ITGB8: variants seen among roughly 807,000 people sequenced by gnomAD.
ITGB8 encodes integrin beta-8.
A neutral mutation model predicts 89.5 loss-of-function variants in ITGB8; 30 were observed. The ratio of observed to expected loss-of-function variants is 0.34; its 90% CI spans 0.25 to 0.45. The LOEUF is 0.45. Ranked by LOEUF, ITGB8 falls within the 20% of genes least tolerant of loss-of-function variation. The pLI, the probability that ITGB8 is intolerant of heterozygous loss-of-function variation, is 1.00. For synonymous variants in ITGB8, 335 were observed against 320.4 expected (o/e 1.05, Z -0.49); for missense variants, 836 against 933.3 (o/e 0.90, Z 1.36).
rs145143957 is a variant in ITGB8, at chr7:20,404,090, T to G, written c.1688-538T>G. 1.2e-3 allele frequency among the ~76,000 whole-genome samples: 181 copies of G among 152,318 alleles called. 1 individual carries two copies. The highest frequency in any genetic ancestry group is 2.1e-3 in the Non-Finnish European group (146 of 68,030). ...CTTACTAAATAGTGCACTGAGGATG[T>G]GAATGCAATTGTTCAACTTCTCAAG... On this transcript the variant is annotated intron_variant, in intron 10 of 13. Coordinates refer to ENST00000222573, the MANE Select transcript of ITGB8 (RefSeq NM_002214.3).
intron 1 of ITGB8, among the ~76,000 whole-genome samples, chr7:20,349,768 G>T (rs1456777896): frequency 2.6e-5 from 4 of 152,110 alleles, no homozygotes; most frequent in African/African-American, 4.8e-5. Context: ...GCTATACACT[G>T]GCGGGAAAGA....
chr7:20,372,929 A>G (rs1785992806), intron 3 of ITGB8, among the ~76,000 whole-genome samples: 1 of 152,196 alleles, frequency 6.6e-6, no homozygotes, highest in Non-Finnish European at 1.5e-5. Context: ...CATAATATAT[A>G]AAGCTAAATG....
intron 1 of ITGB8, among the ~76,000 whole-genome samples, chr7:20,340,258 G>A (rs749222894): frequency 6.6e-5 from 10 of 152,152 alleles, no homozygotes; most frequent in Middle Eastern, 3.2e-3. Flanking sequence ...TATTGGTATC[G>A]TTTGTTTATT....
At chr7:20,345,851 G>C (rs1015233347) in intron 1 of ITGB8, among the ~76,000 whole-genome samples, 2 of 152,198 alleles carry the variant, frequency 1.3e-5, no homozygotes, top group African/African-American at 2.4e-5. Context: ...AAAATAATTA[G>C]AGGAGAAGAG....
In ITGB8 at chr7:20,344,564, G is replaced by A. The variant is rs561378733; in HGVS notation, c.127+12631G>A. Among the ~76,000 whole-genome samples the A allele has an allele frequency of 2.0e-4, 30 of 152,326 alleles. No individual in the cohort carries two copies. The South Asian group carries it at 5.4e-3, about 27-fold the overall frequency. ...TCAGTATTAATTTACTAAATGAGTA[G>A]AGTGAGGACATCACAATGGTGAAAT... is the stretch of plus-strand genomic sequence containing the variant. On this transcript the variant is annotated intron_variant, in intron 1 of 13. Transcript: ENST00000222573.
intron 6 of ITGB8, among the ~76,000 whole-genome samples, chr7:20,387,347 T>C (rs1786666419): frequency 6.6e-6 from 1 of 152,204 alleles, no homozygotes; most frequent in African/African-American, 2.4e-5. Flanking sequence ...TCTTAATAAT[T>C]ACAGAACAGT....
At chr7:20,391,615 A>G (rs908925141) in intron 7 of ITGB8, 117 bp downstream of exon 7, 10 of 525,022 alleles carry the variant, frequency 1.9e-5, no homozygotes, top group Non-Finnish European at 3.4e-5. Context: ...TACAATCTAA[A>G]TTCTATATTG....
intron 1 of ITGB8, among the ~76,000 whole-genome samples, chr7:20,362,241 GA>G: frequency 6.6e-6 from 1 of 151,954 alleles, no homozygotes; most frequent in Admixed American, 6.6e-5. Flanking sequence ...GAGAGAGAAA[GA>G]AAAAAAGAGA....
At chr7:20,403,446 C>A (rs553831359) in intron 10 of ITGB8, among the ~76,000 whole-genome samples, 1 of 152,322 alleles carries the variant, frequency 6.6e-6, no homozygotes, top group Non-Finnish European at 1.5e-5. Flanking sequence ...GACCCACAAG[C>A]AGTTGAGAAT....
At chr7:20,338,822 C>A (rs1434867697) in intron 1 of ITGB8, among the ~76,000 whole-genome samples, 1 of 152,068 alleles carries the variant, frequency 6.6e-6, no homozygotes, top group Non-Finnish European at 1.5e-5. Context: ...TACTCTCTTG[C>A]AAATCATGTT....
intron 1 of ITGB8, among the ~76,000 whole-genome samples, chr7:20,340,021 C>T (rs746276715): frequency 6.6e-6 from 1 of 152,162 alleles, no homozygotes; most frequent in East Asian, 1.9e-4. Flanking sequence ...AAAAGCGAGA[C>T]TTTGTCTAAA....
intron 9 of ITGB8, among the ~76,000 whole-genome samples, chr7:20,399,695 T>C (rs1171520678): frequency 6.6e-6 from 1 of 152,104 alleles, no homozygotes; most frequent in Non-Finnish European, 1.5e-5. Flanking sequence ...AAACATACTC[T>C]TTAAGGGAGT....
Position 20,391,515 on chromosome 7 carries a change from A to T in ITGB8, c.1056+17A>T. On this transcript the variant is annotated intron_variant, in intron 7 of 13. Coordinates refer to ENST00000222573, the MANE Select transcript of ITGB8 (RefSeq NM_002214.3). ...TGGTATAAGGTATGTTAACTCTGAAAATGTTAAAATTAAATTTTTTTCATT... is the reference window on the plus strand; with the variant it reads ...TGGTATAAGGTATGTTAACTCTGAATATGTTAAAATTAAATTTTTTTCATT... The T allele has an allele frequency of 7.3e-7, 1 of 1,364,712 alleles. No individual in the cohort carries two copies. Among genetic ancestry groups the T allele is most frequent in the Non-Finnish European group, 1.0e-6 (1 of 987,228 alleles). The allele number at this position is 1,364,712 out of a possible 1,614,324, so 84.5% of individuals were successfully genotyped here.
intron 6 of ITGB8, among the ~76,000 whole-genome samples, chr7:20,382,941 T>C (rs1221168866): frequency 6.6e-6 from 1 of 152,230 alleles, no homozygotes; most frequent in Non-Finnish European, 1.5e-5. Context: ...CTTAAAACTA[T>C]GAACTCCCTC....
At chr7:20,380,504 A>T in intron 4 of ITGB8, 162 bp from the exon 5 acceptor site, 1 of 599,002 alleles carries the variant, frequency 1.7e-6, no homozygotes, top group Non-Finnish European at 2.9e-6. Flanking sequence ...ATCAGCATTG[A>T]GCTTATCTCT....
In ITGB8 at chr7:20,391,489, T is replaced by C. The variant is rs945674826; in HGVS notation, c.1047T>C (p.His349=). The change falls in exon 7 of 14, where the codon CAT becomes CAC. Residue 349 remains histidine, a synonymous_variant. Coordinates refer to ENST00000222573, the MANE Select transcript of ITGB8 (RefSeq NM_002214.3). The stretch of plus-strand genomic sequence containing the variant: ...TTGCAGTTCAAGGAAAACAATTTCA[T>C]TGGTATAAGGTATGTTAACTCTGAA... ...VIFAVQGKQF[H]WYKDLLPLLP... is the part of the protein sequence containing the mutation. 2.6e-6 allele frequency: 4 copies of C among 1,559,502 alleles called. No individual in the cohort carries two copies. The highest frequency in any genetic ancestry group is 3.5e-6 in the Non-Finnish European group (4 of 1,137,324).
At chr7:20,401,438 G>A (rs896885026) in intron 9 of ITGB8, among the ~76,000 whole-genome samples, 3 of 152,112 alleles carry the variant, frequency 2.0e-5, no homozygotes, top group African/African-American at 7.2e-5. Context: ...ATCAGTGATG[G>A]GGTAGATGCT....
chr7:20,359,784 T>G (rs932287189), intron 1 of ITGB8, among the ~76,000 whole-genome samples: 2 of 152,190 alleles, frequency 1.3e-5, no homozygotes, highest in African/African-American at 4.8e-5. Flanking sequence ...ATTGTTGATA[T>G]TGGTATATTT....
intron 1 of ITGB8, among the ~76,000 whole-genome samples, chr7:20,337,841 C>G (rs934538853): frequency 6.6e-6 from 1 of 152,254 alleles, no homozygotes; most frequent in Non-Finnish European, 1.5e-5. Context: ...GTCACCCCCT[C>G]TAGATCATCT....
Sources: allele counts gnomAD v4.1 joint callset (sites outside exome capture counted in the v4.1 genomes callset), GRCh38; gene constraint gnomAD v4.1.1; transcripts MANE v1.5; gene names NCBI Gene and HGNC (gene_info 2026-07-23, HGNC 2026-07-21).